Variants in BMPER observed in about 807,000 individuals in gnomAD.
The protein encoded by BMPER is BMP binding endothelial regulator, also known as BMP-binding endothelial regulator protein.
Under a neutral mutation model 87.3 loss-of-function variants are expected in BMPER, and 45 were observed. The ratio of observed to expected loss-of-function variants is 0.52; its 90% confidence interval spans 0.41 to 0.66. The LOEUF is 0.66. BMPER is among the 30% of genes least tolerant of loss of function. The pLI is 0.00. For synonymous variants in BMPER, 326 were observed against 316.2 expected (o/e 1.03, Z -0.33); for missense variants, 784 against 867.5 (o/e 0.90, Z 1.21).
chr7:33,933,149 C>T (rs1261971189), intron 2 of BMPER, among the ~76,000 whole-genome samples: 1 of 152,190 alleles, frequency 6.6e-6, no homozygotes, highest in Non-Finnish European at 1.5e-5. Context: ...CCTTATAGAG[C>T]TTTGTTGCCA....
chr7:34,021,254 G>A (rs1024604995), intron 6 of BMPER, among the ~76,000 whole-genome samples: 2 of 151,976 alleles, frequency 1.3e-5, no homozygotes, highest in Non-Finnish European at 2.9e-5. Flanking sequence ...CAATTGTAAT[G>A]AAAATTTCCT....
rs1157203882 is a variant in BMPER, at chr7:33,940,938, TTA to T, written c.319+3556_319+3557del. Among the ~76,000 whole-genome samples the T allele has an allele frequency of 2.2e-5, 3 of 137,250 alleles. No individual in the cohort carries two copies. In the East Asian group the frequency reaches 6.0e-4, roughly 27 times the overall value. 90.0% of individuals were successfully genotyped at this position (137,250 alleles called of 152,430 possible). A position where few individuals can be genotyped will look rare whatever the true frequency, so the allele number is the denominator to read the frequency against. On this transcript the variant is annotated intron_variant, in intron 3 of 14. Transcript: ENST00000649409. ...TGTATATATTTATATATAATAGAAT[TTA>T]TATATGTAACATATATATTTATATA...
chr7:34,071,484 G>T (rs1027182447), intron 11 of BMPER, among the ~76,000 whole-genome samples: 13 of 152,214 alleles, frequency 8.5e-5, no homozygotes, highest in African/African-American at 2.7e-4. Flanking sequence ...TATGCTCAAT[G>T]ACTGCCAAGC....
intron 7 of BMPER, among the ~76,000 whole-genome samples, chr7:34,048,547 C>T (rs562315816): frequency 6.6e-6 from 1 of 152,256 alleles, no homozygotes; most frequent in South Asian, 2.1e-4. Context: ...ATGGTGGAAG[C>T]AGTGGCCACT....
At position 34,086,079 on chromosome 7, in the gene BMPER, G is replaced by C; in HGVS notation, c.1732G>C (p.Ala578Pro). 1 of 1,613,836 alleles carries C rather than the reference G, an allele frequency of 6.2e-7. No homozygotes were observed. The highest frequency in any genetic ancestry group is 8.5e-7 in the Non-Finnish European group (1 of 1,179,992). ...GACCTGCCACTCGACTGTGGACTAC[G>C]CCACTTTCTACCGGTAAGTACAGTG... ...FQTCHSTVDY[A>P]TFYRSCVTDM... Residue 578 changes from alanine to proline, a missense_variant, in exon 13 of 15, where the codon GCC (alanine) becomes CCC (proline). Ala to Pro is a conservative substitution (Grantham distance 27). Transcript: ENST00000649409.
intron 6 of BMPER, 70 bp downstream of exon 6, chr7:33,974,854 C>T (rs1785645037): frequency 7.0e-7 from 1 of 1,433,336 alleles, no homozygotes; most frequent in East Asian, 2.3e-5. Context: ...CCAAGAGCAC[C>T]CCCGGTCTCT....
chr7:33,993,990 G>C lies in BMPER; in HGVS notation c.576+19206G>C, dbSNP rs1786317020. On this transcript the variant is annotated intron_variant, in intron 6 of 14. Transcript: ENST00000649409. ...CAGTCTGCCCGTTCTCAGATCTCCA[G>C]CTGCTTACTGGGAGAACCACTGCTC... 2.0e-5 allele frequency among the ~76,000 whole-genome samples: 3 copies of C among 152,354 alleles called. No homozygotes were observed. The South Asian group carries it at 6.2e-4, about 32-fold the overall frequency.
intron 11 of BMPER, among the ~76,000 whole-genome samples, chr7:34,068,123 A>G (rs1329036353): frequency 6.6e-6 from 1 of 152,170 alleles, no homozygotes; most frequent in Non-Finnish European, 1.5e-5. Flanking sequence ...TCTAAACACT[A>G]TCTTGGGCAG....
intron 7 of BMPER, among the ~76,000 whole-genome samples, chr7:34,047,090 C>T (rs997338435): frequency 3.3e-5 from 5 of 151,846 alleles, no homozygotes; most frequent in South Asian, 2.1e-4. Context: ...ATTTGATATC[C>T]GACCACAAAT....
At chr7:33,931,553 G>C (rs1030636734) in intron 2 of BMPER, among the ~76,000 whole-genome samples, 1 of 152,178 alleles carries the variant, frequency 6.6e-6, no homozygotes, top group Non-Finnish European at 1.5e-5. Context: ...ATTGTGACCT[G>C]GGTTCAAAAG....
intron 2 of BMPER, among the ~76,000 whole-genome samples, chr7:33,920,517 C>T (rs901057355): frequency 6.6e-6 from 1 of 150,764 alleles, no homozygotes; most frequent in African/African-American, 2.4e-5. Flanking sequence ...CCTCCACCTC[C>T]TGGGTTCAAG....
intron 2 of BMPER, among the ~76,000 whole-genome samples, chr7:33,926,762 G>A (rs1408535729): frequency 6.6e-6 from 1 of 152,218 alleles, no homozygotes; most frequent in Admixed American, 6.5e-5. Flanking sequence ...CCTTCATACA[G>A]GGGACGCTGT....
rs1279960294 is a variant in BMPER, at chr7:34,136,273, A to G, written c.1746-6957A>G. On this transcript the variant is annotated intron_variant, in intron 13 of 14. Transcript: ENST00000649409. ...CTTCTGGCCGTGTTTTTCATGTGAC[A>G]GTGGTGTTTTTTGTACCCCTTCGAT... Among the ~76,000 whole-genome samples the G allele has an allele frequency of 2.6e-5, 4 of 152,246 alleles. No homozygotes were observed. The South Asian group carries it at 6.2e-4, about 24-fold the overall frequency.
chr7:34,064,622 G>A (rs1432878150), intron 11 of BMPER, among the ~76,000 whole-genome samples: 1 of 152,222 alleles, frequency 6.6e-6, no homozygotes, highest in African/African-American at 2.4e-5. Context: ...AGGCCACCCA[G>A]CTGGAGGGGC....
chr7:34,014,695 A>G (rs1442881210), intron 6 of BMPER, among the ~76,000 whole-genome samples: 2 of 151,944 alleles, frequency 1.3e-5, no homozygotes, highest in African/African-American at 4.8e-5. Context: ...ATTTTATAGG[A>G]AATTGGGGAA....
At chr7:34,078,521 G>T (rs1343485952) in intron 11 of BMPER, among the ~76,000 whole-genome samples, 1 of 152,154 alleles carries the variant, frequency 6.6e-6, no homozygotes, top group Non-Finnish European at 1.5e-5. Flanking sequence ...GCTCTTGTAT[G>T]TGTGGGTGGT....
Position 34,051,860 on chromosome 7 carries a change from G to T in BMPER, c.677-1G>T. ...TACACTGTGCTTCTGTTTCTCTCTA[G>T]GTCAGAGGAAAGTGTTTGACCTCCC... On this transcript the variant is annotated splice_acceptor_variant, in intron 7 of 14. Coordinates refer to ENST00000649409, the MANE Select transcript of BMPER (RefSeq NM_001365308.1). LOFTEE classifies it high-confidence loss of function. 1.2e-6 allele frequency: 2 copies of T among 1,610,524 alleles called. No individual in the cohort carries two copies. Among genetic ancestry groups the T allele is most frequent in the Non-Finnish European group, 8.5e-7 (1 of 1,176,784 alleles).
chr7:33,983,683 C>T (rs1416707876), intron 6 of BMPER, among the ~76,000 whole-genome samples: 3 of 152,222 alleles, frequency 2.0e-5, no homozygotes, highest in South Asian at 2.1e-4. Context: ...CTGATTATAA[C>T]GCTACATGCC....
At chr7:33,967,298 G>A (rs1268136943) in intron 4 of BMPER, among the ~76,000 whole-genome samples, 1 of 152,190 alleles carries the variant, frequency 6.6e-6, no homozygotes, top group African/African-American at 2.4e-5. Context: ...AAAAGGTGCT[G>A]TTAAATCATT....
Sources: gnomAD v4.1 joint callset for allele counts (sites outside exome capture counted in the v4.1 genomes callset) on GRCh38, gnomAD v4.1.1 for gene constraint, MANE v1.5 for transcripts, NCBI Gene and HGNC (gene_info 2026-07-23, HGNC 2026-07-21) for gene names.